Variants in DCC observed in about 807,000 individuals in gnomAD.
The protein encoded by DCC is DCC netrin 1 receptor, also known as netrin receptor DCC.
Under a neutral mutation model 172.5 loss-of-function variants are expected in DCC, and 58 were observed. The ratio of observed to expected loss-of-function variants is 0.34; its 90% CI spans 0.27 to 0.42. The LOEUF (loss-of-function observed/expected upper bound fraction) is 0.42, where lower values mean the gene tolerates loss of function less well. Among genes scored for constraint, DCC ranks in the 10% least tolerant of loss-of-function variants. DCC has a pLI of 1.00. For missense variants in DCC, 1,740 were observed against 1,791.0 expected (o/e 0.97, Z 0.51); for synonymous variants, 709 against 644.5 (o/e 1.10, Z -1.52).
intron 2 of DCC, among the ~76,000 whole-genome samples, chr18:52,857,381 G>A (rs889000907): frequency 5.3e-5 from 8 of 152,066 alleles, no homozygotes; most frequent in South Asian, 2.1e-4. Context: ...GAGAAAGATG[G>A]TCCACTTAAC....
intron 7 of DCC, among the ~76,000 whole-genome samples, chr18:53,090,686 T>C (rs2042989963): frequency 4.6e-5 from 2 of 43,814 alleles, no homozygotes; most frequent in East Asian, 4.5e-4. Flanking sequence ...AGAGCGAAAC[T>C]CCGTCCCCCA....
intron 1 of DCC, among the ~76,000 whole-genome samples, chr18:52,688,740 C>A (rs79229980): frequency 0.022 from 3,344 of 151,780 alleles, 64 homozygotes; most frequent in East Asian, 0.09. Context: ...TATTTTATAC[C>A]ATCACATGTT....
intron 1 of DCC, among the ~76,000 whole-genome samples, chr18:52,485,405 G>A (rs962017079): frequency 2.6e-5 from 4 of 152,052 alleles, no homozygotes; most frequent in Admixed American, 1.3e-4. Context: ...GGACTATATC[G>A]CCGGAGAGAA....
chr18:53,369,990 G>A (rs1212034957), intron 15 of DCC, among the ~76,000 whole-genome samples: 7 of 151,672 alleles, frequency 4.6e-5, no homozygotes, highest in South Asian at 2.1e-4. Flanking sequence ...GTTAGGAAGT[G>A]TTCCCTCCTC....
chr18:52,934,180 G>A (rs759944225), intron 5 of DCC, among the ~76,000 whole-genome samples: 54 of 151,966 alleles, frequency 3.6e-4, no homozygotes, highest in Middle Eastern at 3.4e-3. Flanking sequence ...GAATTATGGC[G>A]CGATTGATAT....
chr18:53,429,777 TTG>T (rs1198195975), intron 21 of DCC, among the ~76,000 whole-genome samples: 1 of 152,128 alleles, frequency 6.6e-6, no homozygotes, highest in Non-Finnish European at 1.5e-5. Context: ...GGGCTCAATA[TTG>T]GACAGGCATA....
intron 2 of DCC, among the ~76,000 whole-genome samples, chr18:52,850,960 C>T (rs11873405): frequency 0.027 from 4,071 of 152,050 alleles, 163 homozygotes; most frequent in African/African-American, 0.09. Context: ...CAGTGTTTTA[C>T]AGCTTCGATA....
intron 5 of DCC, among the ~76,000 whole-genome samples, chr18:53,034,715 T>C (rs1224918559): frequency 1.3e-5 from 2 of 150,360 alleles, no homozygotes; most frequent in Non-Finnish European, 3.0e-5. Flanking sequence ...TTTTTTTTTA[T>C]GGTTTTCTCT....
At chr18:52,507,547 C>G (rs2031277246) in intron 1 of DCC, among the ~76,000 whole-genome samples, 1 of 152,108 alleles carries the variant, frequency 6.6e-6, no homozygotes, top group South Asian at 2.1e-4. Context: ...CAACAATTAA[C>G]CTGTTCTTTG....
chr18:53,149,091 G>C (rs897648277), intron 7 of DCC, among the ~76,000 whole-genome samples: 1 of 151,830 alleles, frequency 6.6e-6, no homozygotes, highest in Non-Finnish European at 1.5e-5. Flanking sequence ...TTGAACTCCT[G>C]ACCTCGTGAT....
chr18:52,508,020 G>C (rs2031296354), intron 1 of DCC, among the ~76,000 whole-genome samples: 1 of 151,954 alleles, frequency 6.6e-6, no homozygotes, highest in South Asian at 2.1e-4. Context: ...AGAATTACTT[G>C]AACCTGGAAG....
intron 1 of DCC, among the ~76,000 whole-genome samples, chr18:52,389,140 A>G (rs1306371821): frequency 6.6e-6 from 1 of 151,970 alleles, no homozygotes; most frequent in Non-Finnish European, 1.5e-5. Context: ...CTTCCATTTC[A>G]TCTTGTCGAT....
intron 1 of DCC, among the ~76,000 whole-genome samples, chr18:52,527,565 G>T (rs1209997583): frequency 6.6e-6 from 1 of 152,180 alleles, no homozygotes; most frequent in South Asian, 2.1e-4. Flanking sequence ...TTCAGTGGTT[G>T]CTAAATGAGC....
chr18:52,811,549 T>G (rs1568119312), intron 2 of DCC, among the ~76,000 whole-genome samples: 1 of 145,586 alleles, frequency 6.9e-6, no homozygotes, highest in Non-Finnish European at 1.6e-5. Flanking sequence ...CTAATTTGGA[T>G]TGAGTAAAAT....
At chr18:53,091,506 C>A (rs989551506) in intron 7 of DCC, among the ~76,000 whole-genome samples, 2 of 151,420 alleles carry the variant, frequency 1.3e-5, no homozygotes, top group Admixed American at 6.6e-5. Context: ...TTCTGGTGAC[C>A]GGCTGAGTTT....
chr18:52,897,865 A>T (rs2039753793), intron 2 of DCC, among the ~76,000 whole-genome samples: 2 of 56,538 alleles, frequency 3.5e-5, no homozygotes, highest in Non-Finnish European at 1.1e-4. Flanking sequence ...GTGGGAGAAT[A>T]AAAAAAGGGA....
Position 52,423,105 on chromosome 18 carries a change from A to T in DCC, c.91+82227A>T, listed in dbSNP as rs77666375. Reference sequence around the variant, plus strand: ...CATTCACCTATTTCATTAAAGCATAAGTGTATGGTACTTACATGTGTCATG... The same window carrying T: ...CATTCACCTATTTCATTAAAGCATATGTGTATGGTACTTACATGTGTCATG... On this transcript the variant is annotated intron_variant, in intron 1 of 28. Coordinates refer to ENST00000442544, the MANE Select transcript of DCC (RefSeq NM_005215.4). 1.9e-3 allele frequency among the ~76,000 whole-genome samples: 283 copies of T among 152,242 alleles called. 6 individuals are homozygous for T. The East Asian group carries it at 0.045, about 24-fold the overall frequency.
intron 1 of DCC, among the ~76,000 whole-genome samples, chr18:52,400,764 A>T (rs1179965159): frequency 6.6e-6 from 1 of 152,132 alleles, no homozygotes; most frequent in Non-Finnish European, 1.5e-5. Flanking sequence ...CTATGCAGCC[A>T]TAAAAAGGAT....
At chr18:52,932,332 A>G (rs1436223352) in intron 5 of DCC, among the ~76,000 whole-genome samples, 1 of 152,144 alleles carries the variant, frequency 6.6e-6, no homozygotes, top group African/African-American at 2.4e-5. Flanking sequence ...ACAGTCCTCC[A>G]TAAATGTTCT....
Sources: gnomAD v4.1 joint callset for allele counts (sites outside exome capture counted in the v4.1 genomes callset) on GRCh38, gnomAD v4.1.1 for gene constraint, MANE v1.5 for transcripts, NCBI Gene and HGNC (gene_info 2026-07-23, HGNC 2026-07-21) for gene names.